Variants in RERE observed in about 807,000 individuals in gnomAD.
The protein encoded by RERE is arginine-glutamic acid dipeptide repeats, also known as arginine-glutamic acid dipeptide repeats protein.
A neutral mutation model predicts 146.1 loss-of-function variants in RERE; 40 were observed. That is an observed-to-expected ratio of 0.27 (90% CI 0.21 to 0.36). The LOEUF (loss-of-function observed/expected upper bound fraction) is 0.36. Among genes scored for constraint, RERE ranks in the 10% least tolerant of loss-of-function variants. The pLI is 1.00. For missense variants in RERE, 1,933 were observed against 2,138.7 expected, an observed-to-expected ratio of 0.90 and a Z score of 1.90; for synonymous variants, 1,003 against 866.0, an observed-to-expected ratio of 1.16 and a Z score of -2.78.
intron 10 of RERE, among the ~76,000 whole-genome samples, chr1:8,494,271 T>A (rs990556700): frequency 2.6e-5 from 4 of 152,256 alleles, no homozygotes; most frequent in Admixed American, 2.6e-4. Flanking sequence ...CAAAAAAGTT[T>A]AGCTTCTTCC....
intron 6 of RERE, among the ~76,000 whole-genome samples, chr1:8,552,417 T>TA (rs1421643012): frequency 6.6e-6 from 1 of 152,220 alleles, no homozygotes; most frequent in Non-Finnish European, 1.5e-5. Context: ...GTCTTTTTCT[T>TA]TTTTCTTTTT....
intron 12 of RERE, among the ~76,000 whole-genome samples, chr1:8,417,672 A>G (rs1422430580): frequency 1.3e-5 from 2 of 152,158 alleles, no homozygotes; most frequent in Non-Finnish European, 2.9e-5. Context: ...TCGGTAGCAC[A>G]GCCCTCACTT....
intron 7 of RERE, among the ~76,000 whole-genome samples, chr1:8,538,257 A>G (rs187777899): frequency 7.2e-5 from 11 of 152,362 alleles, no homozygotes; most frequent in African/African-American, 2.4e-4. Flanking sequence ...ACTAAGAGTC[A>G]GCATACAGTA....
At chr1:8,378,792 T>C (rs74049624) in intron 12 of RERE, among the ~76,000 whole-genome samples, 2,277 of 152,188 alleles carry the variant, frequency 0.015, 58 homozygotes, top group African/African-American at 0.052. Context: ...CAGGGCTTCA[T>C]GGTGAGCCTC....
At chr1:8,404,009 T>G (rs1643359588) in intron 12 of RERE, among the ~76,000 whole-genome samples, 1 of 151,876 alleles carries the variant, frequency 6.6e-6, no homozygotes, top group African/African-American at 2.4e-5. Flanking sequence ...TTTCGTATTT[T>G]TAGTAGAGAC....
Position 8,624,377 on chromosome 1 carries a change from C to G in RERE, c.329G>C (p.Cys110Ser). The G allele has an allele frequency of 1.2e-6, 2 of 1,608,508 alleles. No homozygotes were observed. Among genetic ancestry groups the G allele is most frequent in the Non-Finnish European group, 1.7e-6 (2 of 1,176,950 alleles). The change falls in exon 3 of 23, where the codon TGT becomes TCT. Residue 110 changes from cysteine to serine, a missense_variant. Physicochemically the swap from Cys to Ser is moderately radical, Grantham distance 112 (BLOSUM62 -1). Coordinates refer to ENST00000400908, the MANE Select transcript of RERE (RefSeq NM_001042681.2). ...TGGCCTCCGACTCTCGATATACACA[C>G]AGTCTTTAAAAGAAAAAGAAATTTT... ...EDDVVYRPGD[C>S]VYIESRRPNT...
At chr1:8,383,493 C>T (rs1365627211) in intron 12 of RERE, among the ~76,000 whole-genome samples, 2 of 152,078 alleles carry the variant, frequency 1.3e-5, no homozygotes, top group Non-Finnish European at 2.9e-5. Flanking sequence ...GGACTTAGAA[C>T]ATCCCATTAT....
At position 8,360,366 on chromosome 1, in the gene RERE, G is replaced by C; in HGVS notation, c.3141C>G (p.Ile1047Met). The change falls in exon 18 of 23, where the codon ATC becomes ATG. Residue 1047 changes from isoleucine (I) to methionine (M), a missense_variant. Physicochemically the swap from Ile to Met is conservative, Grantham distance 10. Transcript: ENST00000400908. ...AGGTGGAGGGGCAGGTCGGAGGGGT[G>C]ATGGGAGGAGGGCCTCCAGGGACAA... ...HPFVPGGPPP[I>M]TPPTCPSTST... 4.8e-6 allele frequency: 7 copies of C among 1,465,808 alleles called. No homozygotes were observed. Among genetic ancestry groups the C allele is most frequent in the Non-Finnish European group, 6.3e-6 (7 of 1,107,416 alleles). 90.8% of individuals were successfully genotyped at this position (1,465,808 alleles called of 1,614,324 possible).
chr1:8,360,837 T>G lies in RERE; in HGVS notation c.2670A>C (p.Ala890=), dbSNP rs1641541585. The change falls in exon 18 of 23, where the codon GCA becomes GCC. Residue 890 remains alanine, a synonymous_variant. Transcript: ENST00000400908. ...QGQAPLGTSP[A]AAYPHTSLQL... Reference sequence around the variant, plus strand: ...GCAGGGAGGTGTGAGGGTACGCTGCTGCTGGGGAGGTCCCCAGAGGGGCCT... The same window carrying G: ...GCAGGGAGGTGTGAGGGTACGCTGCGGCTGGGGAGGTCCCCAGAGGGGCCT... 6.5e-7 allele frequency: 1 copy of G among 1,544,116 alleles called. No individual in the cohort carries two copies. Among genetic ancestry groups the G allele is most frequent in the African/African-American group, 1.4e-5 (1 of 73,482 alleles).
At chr1:8,714,775 G>C (rs1342568204) in intron 1 of RERE, among the ~76,000 whole-genome samples, 1 of 152,118 alleles carries the variant, frequency 6.6e-6, no homozygotes, top group African/African-American at 2.4e-5. Context: ...AAATTTAAGG[G>C]TGATTTAGAG....
intron 15 of RERE, chr1:8,363,752 G>T (rs1005303945): frequency 1.4e-5 from 6 of 430,660 alleles, no homozygotes; most frequent in Non-Finnish European, 2.1e-5. Context: ...TGATACAATG[G>T]AAGTGACACC....
At chr1:8,761,929 A>T (rs1398143443) in intron 1 of RERE, among the ~76,000 whole-genome samples, 1 of 152,190 alleles carries the variant, frequency 6.6e-6, no homozygotes, top group Non-Finnish European at 1.5e-5. Context: ...TCTCAAAAAA[A>T]AGGAAAAGAA....
chr1:8,568,535 G>A (rs917539735), intron 4 of RERE, among the ~76,000 whole-genome samples: 1 of 152,106 alleles, frequency 6.6e-6, no homozygotes, highest in Non-Finnish European at 1.5e-5. Flanking sequence ...ATGGGTTAAC[G>A]ACTTATCACA....
intron 4 of RERE, among the ~76,000 whole-genome samples, chr1:8,607,534 C>CTTATTTTTTTTTTTTTTTTT (rs1646733317): frequency 2.1e-5 from 1 of 48,584 alleles, no homozygotes; most frequent in Non-Finnish European, 3.5e-5. Flanking sequence ...ATATATATTT[C>CTTATTTTTTTTTTTTTTTTT]TTTTTTTTTT....
chr1:8,458,575 G>A (rs1008047225), intron 11 of RERE, among the ~76,000 whole-genome samples: 7 of 152,110 alleles, frequency 4.6e-5, no homozygotes, highest in South Asian at 4.1e-4. Context: ...GTGCGCATGC[G>A]CGCACACACA....
intron 1 of RERE, among the ~76,000 whole-genome samples, chr1:8,771,909 CAAAAAAAAAAA>C (rs768264978): frequency 1.5e-4 from 9 of 59,448 alleles, no homozygotes; most frequent in Non-Finnish European, 2.1e-4. Context: ...GACTCTGTCT[CAAAAAAAAAAA>C]AAAAAAAAAG....
At chr1:8,474,870 A>G (rs1459586721) in intron 10 of RERE, among the ~76,000 whole-genome samples, 1 of 152,262 alleles carries the variant, frequency 6.6e-6, no homozygotes, top group Non-Finnish European at 1.5e-5. Flanking sequence ...CTAATTAAAT[A>G]ATTCCAGTCC....
chr1:8,409,782 G>A (rs970647282), intron 12 of RERE, among the ~76,000 whole-genome samples: 3 of 152,162 alleles, frequency 2.0e-5, no homozygotes, highest in Non-Finnish European at 2.9e-5. Flanking sequence ...TTATCAGCAT[G>A]GACAAGTTCC....
intron 1 of RERE, among the ~76,000 whole-genome samples, chr1:8,658,397 T>C (rs1570574706): frequency 6.6e-6 from 1 of 152,320 alleles, no homozygotes; most frequent in East Asian, 1.9e-4. Flanking sequence ...AACAAAAGAT[T>C]GGTCCTCTTT....
Sources: gnomAD v4.1 joint callset for allele counts (sites outside exome capture counted in the v4.1 genomes callset) on GRCh38, gnomAD v4.1.1 for gene constraint, MANE v1.5 for transcripts, NCBI Gene and HGNC (gene_info 2026-07-23, HGNC 2026-07-21) for gene names.